Variants in ANO3 observed in about 807,000 individuals in gnomAD.
The protein encoded by ANO3 is anoctamin-3.
A neutral mutation model predicts 144.8 loss-of-function variants in ANO3; 99 were observed. The observed-to-expected ratio is 0.68, with a 90% CI of 0.58 to 0.81. The LOEUF (loss-of-function observed/expected upper bound fraction) is 0.81. Ranked by LOEUF, ANO3 falls within the 30% of genes least tolerant of loss-of-function variation. ANO3 has a pLI of 0.00. For missense variants in ANO3, 905 were observed against 1,202.2 expected, an observed-to-expected ratio of 0.75 and a Z score of 3.66; for synonymous variants, 414 against 392.6, an observed-to-expected ratio of 1.05 and a Z score of -0.64.
intron 6 of ANO3, among the ~76,000 whole-genome samples, chr11:26,519,773 G>T (rs576758525): frequency 2.6e-4 from 39 of 152,190 alleles, no homozygotes; most frequent in Non-Finnish European, 2.1e-4. Context: ...CAACTGCTTT[G>T]TCTATTGCAA....
intron 1 of ANO3, among the ~76,000 whole-genome samples, chr11:26,386,666 T>A (rs9943645): frequency 0.27 from 40,414 of 152,072 alleles, 6,034 homozygotes; most frequent in African/African-American, 0.4. Flanking sequence ...GAAAACATCA[T>A]ATTAACTTAG....
At chr11:26,522,214 C>CA (rs398115186) in intron 6 of ANO3, among the ~76,000 whole-genome samples, 27,892 of 150,658 alleles carry the variant, frequency 0.19, 2,656 homozygotes, top group South Asian at 0.26. Context: ...ACAACAACAA[C>CA]AAAAAAAAAA....
chr11:26,373,517 C>T (rs764589014), intron 1 of ANO3, among the ~76,000 whole-genome samples: 6 of 152,078 alleles, frequency 3.9e-5, no homozygotes, highest in Non-Finnish European at 5.9e-5. Context: ...TAAATTACCC[C>T]GTTTTAGGTA....
chr11:26,635,701 A>T (rs1281249664), intron 20 of ANO3, among the ~76,000 whole-genome samples: 1 of 152,220 alleles, frequency 6.6e-6, no homozygotes. Context: ...TTCTATAATT[A>T]TGAATGAGAT....
intron 1 of ANO3, among the ~76,000 whole-genome samples, chr11:26,310,744 T>G (rs899578491): frequency 2.6e-5 from 4 of 152,170 alleles, no homozygotes; most frequent in Non-Finnish European, 5.9e-5. Context: ...AAGAATAATT[T>G]TATTAGTATT....
At chr11:26,247,351 C>A (rs569811639) in intron 1 of ANO3, among the ~76,000 whole-genome samples, 1 of 152,206 alleles carries the variant, frequency 6.6e-6, no homozygotes, top group Non-Finnish European at 1.5e-5. Flanking sequence ...TTTCTCCAGT[C>A]ATTTCAATGC....
At chr11:26,379,993 T>A (rs1029613868) in intron 1 of ANO3, among the ~76,000 whole-genome samples, 9 of 152,172 alleles carry the variant, frequency 5.9e-5, no homozygotes, top group African/African-American at 1.9e-4. Flanking sequence ...CCAATCCATG[T>A]AGTTTACTTA....
At chr11:26,241,552 C>T (rs1483784192) in intron 1 of ANO3, among the ~76,000 whole-genome samples, 2 of 152,162 alleles carry the variant, frequency 1.3e-5, no homozygotes, top group Non-Finnish European at 2.9e-5. Context: ...TGATCTGACA[C>T]ATTTCTGCCT....
intron 10 of ANO3, among the ~76,000 whole-genome samples, chr11:26,539,375 G>A (rs1849589526): frequency 6.6e-6 from 1 of 152,086 alleles, no homozygotes; most frequent in Non-Finnish European, 1.5e-5. Flanking sequence ...GCAGCCCATT[G>A]CATGTCACTA....
intron 5 of ANO3, among the ~76,000 whole-genome samples, chr11:26,509,411 G>A (rs1320487462): frequency 2.0e-5 from 3 of 151,942 alleles, no homozygotes; most frequent in Non-Finnish European, 2.9e-5. Flanking sequence ...TGCCTCCCGG[G>A]CTCAAGCAAT....
intron 1 of ANO3, among the ~76,000 whole-genome samples, chr11:26,270,314 T>TG (rs1270505431): frequency 6.6e-6 from 1 of 152,088 alleles, no homozygotes; most frequent in East Asian, 1.9e-4. Flanking sequence ...TGATTGGGGA[T>TG]GGGGGAGGGT....
chr11:26,240,166 A>G (rs1360576190), intron 1 of ANO3, among the ~76,000 whole-genome samples: 1 of 152,208 alleles, frequency 6.6e-6, no homozygotes, highest in East Asian at 1.9e-4. Context: ...GTACTAAGTG[A>G]CTTTATTCCT....
chr11:26,302,585 T>A (rs1854261985), intron 1 of ANO3, among the ~76,000 whole-genome samples: 1 of 152,154 alleles, frequency 6.6e-6, no homozygotes, highest in Admixed American at 6.5e-5. Context: ...CTTAAACAAA[T>A]ATTACTTTCA....
chr11:26,426,817 G>C (rs1204063333), intron 1 of ANO3, among the ~76,000 whole-genome samples: 1 of 152,160 alleles, frequency 6.6e-6, no homozygotes. Flanking sequence ...CAACGGTTGT[G>C]AAGATTCCAT....
chr11:26,522,545 A>C (rs1240634212), intron 6 of ANO3, among the ~76,000 whole-genome samples: 1 of 152,170 alleles, frequency 6.6e-6, no homozygotes. Flanking sequence ...TCAAATGAAA[A>C]ATTAAGGGAA....
At chr11:26,560,064 A>G (rs946530763) in intron 14 of ANO3, 1 of 307,966 alleles carries the variant, frequency 3.2e-6, no homozygotes, top group Non-Finnish European at 5.9e-6. Context: ...AAACTGAAAC[A>G]TACTAGAATC....
At chr11:26,261,742 C>T (rs1174808323) in intron 1 of ANO3, among the ~76,000 whole-genome samples, 1 of 152,116 alleles carries the variant, frequency 6.6e-6, no homozygotes, top group Admixed American at 6.6e-5. Flanking sequence ...ATTTGAAGAA[C>T]AAAGAGTGAA....
intron 17 of ANO3, among the ~76,000 whole-genome samples, chr11:26,602,750 C>CAAAA (rs34039557): frequency 6.8e-6 from 1 of 147,382 alleles, no homozygotes. Flanking sequence ...GACCAAGTCT[C>CAAAA]AAAAAAAAAA....
chr11:26,607,530 C>T (rs1851969807), intron 17 of ANO3, among the ~76,000 whole-genome samples: 1 of 152,060 alleles, frequency 6.6e-6, no homozygotes, highest in Admixed American at 6.6e-5. Flanking sequence ...ATTCTTTTTT[C>T]TCTAGTCTTG....
Sources: gnomAD v4.1 joint callset for allele counts (sites outside exome capture counted in the v4.1 genomes callset) on GRCh38, gnomAD v4.1.1 for gene constraint, MANE v1.5 for transcripts, NCBI Gene and HGNC (gene_info 2026-07-23, HGNC 2026-07-21) for gene names.